ST8SIA4: variants seen among roughly 807,000 people sequenced by gnomAD.
The protein encoded by ST8SIA4 is ST8 alpha-N-acetyl-neuraminide alpha-2,8-sialyltransferase 4, also known as CMP-N-acetylneuraminate-poly-alpha-2,8-sialyltransferase.
Under a neutral mutation model 33.9 loss-of-function variants are expected in ST8SIA4, and 15 were observed. The ratio of observed to expected loss-of-function variants is 0.44; its 90% CI spans 0.30 to 0.68. The LOEUF is 0.68. ST8SIA4 is among the 30% of genes least tolerant of loss of function. The pLI, the probability that ST8SIA4 is intolerant of heterozygous loss-of-function variation, is 0.10. For missense variants in ST8SIA4, 321 were observed against 428.0 expected, an observed-to-expected ratio of 0.75 and a Z score of 2.21; for synonymous variants, 171 against 151.2, an observed-to-expected ratio of 1.13 and a Z score of -0.96.
In ST8SIA4 at chr5:100,879,904, G is replaced by A. The variant is rs114144664; in HGVS notation, c.503+6439C>T. ...TGAAACTTGGTCACCTAAGGTTTTA[G>A]AGGAGATGATGACTAGATGAGCTGT... On this transcript the variant is annotated intron_variant, in intron 3 of 4. Coordinates refer to ENST00000231461, the MANE Select transcript of ST8SIA4 (RefSeq NM_005668.6). Among the ~76,000 whole-genome samples the A allele has an allele frequency of 2.3e-3, 347 of 152,258 alleles. 2 individuals are homozygous for A. Among genetic ancestry groups the A allele is most frequent in the Admixed American group, 4.4e-3 (67 of 15,280 alleles).
At chr5:100,877,078 A>G (rs1382952239) in intron 3 of ST8SIA4, among the ~76,000 whole-genome samples, 1 of 152,100 alleles carries the variant, frequency 6.6e-6, no homozygotes, top group Non-Finnish European at 1.5e-5. Flanking sequence ...ATTAGTGCCC[A>G]CTGCAAGTAA....
At chr5:100,889,543 T>G (rs938410429) in intron 2 of ST8SIA4, among the ~76,000 whole-genome samples, 1 of 151,916 alleles carries the variant, frequency 6.6e-6, no homozygotes. Context: ...CACATGCTAG[T>G]CAACTAACGT....
chr5:100,825,942 A>G (rs772741261), intron 4 of ST8SIA4, among the ~76,000 whole-genome samples: 3 of 152,174 alleles, frequency 2.0e-5, no homozygotes, highest in Non-Finnish European at 4.4e-5. Flanking sequence ...TATAATTTAT[A>G]TAATTACATA....
chr5:100,881,586 A>G (rs1369793935), intron 3 of ST8SIA4, among the ~76,000 whole-genome samples: 1 of 152,222 alleles, frequency 6.6e-6, no homozygotes, highest in South Asian at 2.1e-4. Context: ...TAAAGCACAC[A>G]TTGCACACAG....
At position 100,811,237 on chromosome 5, in the gene ST8SIA4, AAAGTTT is replaced by A. The variant is rs1314835316; in HGVS notation, c.*604_*609del. The stretch of plus-strand genomic sequence containing the variant: ...ATAAGAACTTTAAAAATAATTACTT[AAAGTTT>A]ATTTCCTCACTCATATGCATCTCAG... On this transcript the variant is annotated 3_prime_UTR_variant, in exon 5 of 5. Transcript: ENST00000231461. The A allele has an allele frequency of 1.3e-5, 2 of 152,580 alleles. No individual in the cohort carries two copies. Among genetic ancestry groups the A allele is most frequent in the Non-Finnish European group, 2.9e-5 (2 of 68,030 alleles). 9.5% of individuals were successfully genotyped at this position (152,580 alleles called of 1,614,324 possible).
chr5:100,812,253 A>T, intron 4 of ST8SIA4, 124 bp from the exon 5 acceptor site: 1 of 708,894 alleles, frequency 1.4e-6, no homozygotes, highest in South Asian at 3.3e-5. Context: ...TTAAAGAATT[A>T]CTGAAGAAAT....
At chr5:100,851,813 TA>T (rs1204217160) in intron 4 of ST8SIA4, among the ~76,000 whole-genome samples, 1 of 152,004 alleles carries the variant, frequency 6.6e-6, no homozygotes, top group Non-Finnish European at 1.5e-5. Flanking sequence ...CCCACCAAAG[TA>T]AAAACAACAC....
Position 100,843,833 on chromosome 5 carries a change from T to G in ST8SIA4, c.797+12270A>C, listed in dbSNP as rs182889901. ...TGTTCATAGGGCCCTTATAAATCCC[T>G]TCTTTTAATCTCAACAACTTATTTG... On this transcript the variant is annotated intron_variant, in intron 4 of 4. Coordinates refer to ENST00000231461, the MANE Select transcript of ST8SIA4 (RefSeq NM_005668.6). 1.7e-3 allele frequency among the ~76,000 whole-genome samples: 264 copies of G among 152,062 alleles called. 1 individual carries two copies. The highest frequency in any genetic ancestry group is 3.4e-3 in the Middle Eastern group (1 of 294).
In ST8SIA4 at chr5:100,854,007, GTGTA is replaced by G. The variant is rs1023768724; in HGVS notation, c.797+2092_797+2095del. On this transcript the variant is annotated intron_variant, in intron 4 of 4. Transcript: ENST00000231461. Reference sequence around the variant, plus strand: ...TGTATGTGTGTGTGTGTGTGTGTGTGTGTATGTTTAAGATGGAAACATTATCTTT... The same window carrying G: ...TGTATGTGTGTGTGTGTGTGTGTGTGTGTTTAAGATGGAAACATTATCTTT... Among the ~76,000 whole-genome samples the G allele has an allele frequency of 7.4e-4, 18 of 24,232 alleles. 1 individual carries two copies. Among genetic ancestry groups the G allele is most frequent in the African/African-American group, 1.6e-3 (16 of 10,046 alleles). 15.9% of individuals were successfully genotyped at this position (24,232 alleles called of 152,430 possible).
chr5:100,818,020 T>G (rs749341668), intron 4 of ST8SIA4, among the ~76,000 whole-genome samples: 1 of 152,186 alleles, frequency 6.6e-6, no homozygotes, highest in Non-Finnish European at 1.5e-5. Context: ...CATTTAATCC[T>G]CACCAAAAAC....
At chr5:100,842,844 A>G (rs563920424) in intron 4 of ST8SIA4, among the ~76,000 whole-genome samples, 15 of 152,002 alleles carry the variant, frequency 9.9e-5, no homozygotes, top group South Asian at 2.1e-4. Context: ...TTAATAGTGT[A>G]AAGTAGAATC....
intron 2 of ST8SIA4, 24 bp from the exon 3 acceptor site, chr5:100,886,624 T>G: frequency 2.0e-5 from 32 of 1,581,056 alleles, no homozygotes; most frequent in Non-Finnish European, 2.8e-5. Context: ...ACAAGCAAAG[T>G]TTTACATTAC....
chr5:100,900,572 T>C (rs1752885664), intron 1 of ST8SIA4: 1 of 449,416 alleles, frequency 2.2e-6, no homozygotes, highest in Non-Finnish European at 4.5e-6. Context: ...GCCCTCGCAT[T>C]GTTCCTGGCA....
intron 3 of ST8SIA4, among the ~76,000 whole-genome samples, chr5:100,857,536 A>C (rs1482211355): frequency 6.6e-6 from 1 of 151,928 alleles, no homozygotes; most frequent in African/African-American, 2.4e-5. Flanking sequence ...ATATGAAACT[A>C]TTTTTAATAC....
rs1750721735 is a variant in ST8SIA4, at chr5:100,807,617, C to T, written c.*4230G>A. ...ATACTAGACCCTTACTGTAACTCTA[C>T]GTATGAACGACATAGAATTCAGTTA... is the stretch of plus-strand genomic sequence containing the variant. On this transcript the variant is annotated 3_prime_UTR_variant, in exon 5 of 5. Coordinates refer to ENST00000231461, the MANE Select transcript of ST8SIA4 (RefSeq NM_005668.6). The T allele has an allele frequency of 1.3e-5, 2 of 152,398 alleles. No individual in the cohort carries two copies. Among genetic ancestry groups the T allele is most frequent in the African/African-American group, 4.8e-5 (2 of 41,376 alleles). 9.4% of individuals were successfully genotyped at this position (152,398 alleles called of 1,614,324 possible).
chr5:100,862,023 T>A (rs1751957106), intron 3 of ST8SIA4, among the ~76,000 whole-genome samples: 1 of 152,196 alleles, frequency 6.6e-6, no homozygotes, highest in Admixed American at 6.6e-5. Flanking sequence ...GCAGGTAAGT[T>A]AAAGGCATGT....
At chr5:100,826,017 C>G (rs1184263113) in intron 4 of ST8SIA4, among the ~76,000 whole-genome samples, 2 of 152,176 alleles carry the variant, frequency 1.3e-5, no homozygotes, top group Non-Finnish European at 2.9e-5. Context: ...TCTCTTTTAA[C>G]ATTTCACCAG....
intron 3 of ST8SIA4, among the ~76,000 whole-genome samples, chr5:100,859,305 T>C (rs1404072765): frequency 6.6e-6 from 1 of 152,108 alleles, no homozygotes; most frequent in Non-Finnish European, 1.5e-5. Flanking sequence ...TTATGAGTAA[T>C]ACATGATACT....
chr5:100,854,921 T>G (rs1751782526), intron 4 of ST8SIA4, among the ~76,000 whole-genome samples: 1 of 152,178 alleles, frequency 6.6e-6, no homozygotes, highest in Non-Finnish European at 1.5e-5. Context: ...AAAGCCTAAT[T>G]GGTTTTTGTG....
Sources: allele counts gnomAD v4.1 joint callset (sites outside exome capture counted in the v4.1 genomes callset), GRCh38; gene constraint gnomAD v4.1.1; transcripts MANE v1.5; gene names NCBI Gene and HGNC (gene_info 2026-07-23, HGNC 2026-07-21).